The following RBM47 variants were observed in gnomAD, a reference collection of about 807,000 sequenced individuals.
RBM47 encodes RNA-binding protein 47.
In RBM47, 21 loss-of-function variants were observed where a neutral mutation model predicts 47.1. The ratio of observed to expected loss-of-function variants is 0.45; its 90% CI spans 0.32 to 0.64. RBM47 has a LOEUF of 0.64. RBM47 is among the 30% of genes least tolerant of loss of function. The probability of loss-of-function intolerance (pLI) is 0.05; values close to 1 mark genes in which losing one functional copy is unlikely to be tolerated. For missense variants in RBM47, 708 were observed against 870.9 expected (o/e 0.81, Z 2.35); for synonymous variants, 375 against 361.7 (o/e 1.04, Z -0.42).
chr4:40,529,009 A>G (rs1012262622), intron 2 of RBM47, among the ~76,000 whole-genome samples: 1 of 151,902 alleles, frequency 6.6e-6, no homozygotes, highest in Non-Finnish European at 1.5e-5. Flanking sequence ...ATAATAAAAC[A>G]GGGCCATCTC....
At position 40,505,120 on chromosome 4, in the gene RBM47, G is replaced by A. The variant is rs116681193; in HGVS notation, c.-154-38421C>T. ...GTAAGAGAATTGCTTGAGGCCAGGA[G>A]TTTGAGGCCACAGTGGCTGTAATTG... is the stretch of plus-strand genomic sequence containing the variant. On this transcript the variant is annotated intron_variant, in intron 2 of 6. Coordinates refer to ENST00000295971, the MANE Select transcript of RBM47 (RefSeq NM_001098634.2). Among the ~76,000 whole-genome samples the A allele has an allele frequency of 8.5e-4, 130 of 152,218 alleles. 3 individuals are homozygous for A. The highest frequency in any genetic ancestry group is 2.9e-3 in the African/African-American group (119 of 41,538).
intron 2 of RBM47, among the ~76,000 whole-genome samples, chr4:40,512,360 G>A (rs1725044870): frequency 6.9e-6 from 1 of 144,004 alleles, no homozygotes; most frequent in African/African-American, 2.6e-5. Context: ...GTTGCAGAGA[G>A]CCGAGATTGC....
chr4:40,490,632 G>A (rs79422271), intron 2 of RBM47, among the ~76,000 whole-genome samples: 51 of 151,762 alleles, frequency 3.4e-4, no homozygotes, highest in African/African-American at 9.9e-4. Context: ...AAAATTAGCC[G>A]GGCGTGGTGG....
chr4:40,519,626 C>T (rs1725985058), intron 2 of RBM47, among the ~76,000 whole-genome samples: 1 of 149,702 alleles, frequency 6.7e-6, no homozygotes. Context: ...GGTCTCCTCA[C>T]CCTCCTCTCC....
intron 2 of RBM47, among the ~76,000 whole-genome samples, chr4:40,486,258 T>G (rs1721075265): frequency 6.6e-6 from 1 of 151,940 alleles, no homozygotes; most frequent in African/African-American, 2.4e-5. Context: ...TAAAACAAAA[T>G]CAAAGACAAA....
chr4:40,580,723 C>T (rs535821361), intron 1 of RBM47, among the ~76,000 whole-genome samples: 11 of 152,278 alleles, frequency 7.2e-5, no homozygotes, highest in South Asian at 2.1e-4. Context: ...TACCACTGCT[C>T]GCACATGAAT....
chr4:40,527,389 C>T (rs1486568026), intron 2 of RBM47, among the ~76,000 whole-genome samples: 3 of 150,392 alleles, frequency 2.0e-5, no homozygotes, highest in East Asian at 1.9e-4. Flanking sequence ...CAGATTCAAG[C>T]GATCCTCCTG....
At chr4:40,464,408 C>G (rs1717648519) in intron 3 of RBM47, among the ~76,000 whole-genome samples, 1 of 152,082 alleles carries the variant, frequency 6.6e-6, no homozygotes, top group South Asian at 2.1e-4. Flanking sequence ...AAATTAGGCA[C>G]AGTAAGAGAT....
In RBM47 at chr4:40,506,501, G is replaced by A. The variant is rs556944823; in HGVS notation, c.-155+37921C>T. ...CCATGGTTGGAATCTTTGTGGAAAAGGTAAAAGTTCTATACAGAGAAAGCC... is the reference window on the plus strand; with the variant it reads ...CCATGGTTGGAATCTTTGTGGAAAAAGTAAAAGTTCTATACAGAGAAAGCC... On this transcript the variant is annotated intron_variant, in intron 2 of 6. Transcript: ENST00000295971. 4.6e-5 allele frequency among the ~76,000 whole-genome samples: 7 copies of A among 152,278 alleles called. No individual in the cohort carries two copies. In the South Asian group the frequency reaches 1.5e-3, roughly 32 times the overall value.
chr4:40,579,854 C>T (rs1278216441), intron 1 of RBM47, among the ~76,000 whole-genome samples: 1 of 151,966 alleles, frequency 6.6e-6, no homozygotes, highest in African/African-American at 2.4e-5. Context: ...CTCAAGGGAT[C>T]CTCCTACCTC....
chr4:40,583,675 G>A (rs1487159301), intron 1 of RBM47, among the ~76,000 whole-genome samples: 2 of 151,512 alleles, frequency 1.3e-5, no homozygotes, highest in East Asian at 2.0e-4. Context: ...TGGCTAACAC[G>A]GTGAAACCCC....
chr4:40,458,422 C>T (rs955060278), intron 3 of RBM47, among the ~76,000 whole-genome samples: 1 of 152,188 alleles, frequency 6.6e-6, no homozygotes, highest in African/African-American at 2.4e-5. Context: ...GACCAGTTAT[C>T]TCAAGGCAAT....
At chr4:40,520,167 GT>G (rs1310995064) in intron 2 of RBM47, among the ~76,000 whole-genome samples, 6 of 152,004 alleles carry the variant, frequency 3.9e-5, no homozygotes, top group Admixed American at 1.3e-4. Context: ...AACCCTGTAG[GT>G]TGTATTAGAA....
Position 40,600,985 on chromosome 4 carries a change from C to CAAAAAA in RBM47, c.-240+28405_-240+28410dup, listed in dbSNP as rs56054491. ...AGGCAACAAGAGTGAAACTCCGTCT[C>CAAAAAA]AAAAAAAAAAAAAAAAAGAAAGAAG... is the stretch of plus-strand genomic sequence containing the variant. On this transcript the variant is annotated intron_variant, in intron 1 of 6. Transcript: ENST00000295971. 6.8e-4 allele frequency among the ~76,000 whole-genome samples: 34 copies of CAAAAAA among 50,100 alleles called. 1 individual carries two copies. Among genetic ancestry groups the CAAAAAA allele is most frequent in the African/African-American group, 1.3e-3 (19 of 14,494 alleles). The allele number at this position is 50,100 out of a possible 152,430, so 32.9% of individuals were successfully genotyped here.
chr4:40,620,745 G>C (rs1359996385), intron 1 of RBM47, among the ~76,000 whole-genome samples: 1 of 151,740 alleles, frequency 6.6e-6, no homozygotes, highest in Non-Finnish European at 1.5e-5. Flanking sequence ...TGTTGCCCAG[G>C]CTGCTTTTTA....
intron 6 of RBM47, chr4:40,427,582 A>G (rs1346730347): frequency 6.6e-6 from 1 of 152,230 alleles, no homozygotes; most frequent in Non-Finnish European, 1.5e-5. Flanking sequence ...ATTTAACAAA[A>G]TATTTGGTGC....
At chr4:40,553,131 CCT>C (rs994104126) in intron 1 of RBM47, among the ~76,000 whole-genome samples, 1 of 148,776 alleles carries the variant, frequency 6.7e-6, no homozygotes, top group African/African-American at 2.5e-5. Flanking sequence ...CCACGCCCCA[CCT>C]CTGATTGCTT....
At chr4:40,462,384 C>T (rs1470806033) in intron 3 of RBM47, among the ~76,000 whole-genome samples, 6 of 152,046 alleles carry the variant, frequency 3.9e-5, no homozygotes, top group Admixed American at 6.6e-5. Context: ...CTTCTATAGC[C>T]CACAATTCCC....
At chr4:40,482,757 C>T (rs908379143) in intron 2 of RBM47, among the ~76,000 whole-genome samples, 1 of 152,034 alleles carries the variant, frequency 6.6e-6, no homozygotes, top group Non-Finnish European at 1.5e-5. Flanking sequence ...AGCCAAGAAA[C>T]GGAAATTTTT....
Sources: allele counts gnomAD v4.1 joint callset (sites outside exome capture counted in the v4.1 genomes callset), GRCh38; gene constraint gnomAD v4.1.1; transcripts MANE v1.5; gene names NCBI Gene and HGNC (gene_info 2026-07-23, HGNC 2026-07-21).